SEM1: variants seen among roughly 807,000 people sequenced by gnomAD.
The protein encoded by SEM1 is SEM1 26S proteasome subunit.
Under a neutral mutation model 12.7 loss-of-function variants are expected in SEM1, and 3 were observed. That is an observed-to-expected ratio of 0.24 (90% CI 0.11 to 0.61). The LOEUF (loss-of-function observed/expected upper bound fraction) is 0.61, where lower values mean the gene tolerates loss of function less well. SEM1 is among the 20% of genes least tolerant of loss of function. The pLI is 0.88. For synonymous variants in SEM1, 30 were observed against 27.8 expected (o/e 1.08, Z -0.25); for missense variants, 59 against 81.3 (o/e 0.73, Z 1.06).
At chr7:96,590,033 G>T (rs977342991) in intron 2 of SEM1, among the ~76,000 whole-genome samples, 2 of 152,004 alleles carry the variant, frequency 1.3e-5, no homozygotes, top group Non-Finnish European at 2.9e-5. Flanking sequence ...CCCCATTCAG[G>T]CTAATATTTC....
intron 2 of SEM1, among the ~76,000 whole-genome samples, chr7:96,534,975 A>G (rs144389155): frequency 3.3e-5 from 5 of 152,116 alleles, no homozygotes; most frequent in African/African-American, 1.2e-4. Context: ...CTTTGGAGTT[A>G]TTAATAATTT....
intron 2 of SEM1, among the ~76,000 whole-genome samples, chr7:96,582,687 T>C (rs940998776): frequency 6.6e-6 from 1 of 152,290 alleles, no homozygotes; most frequent in Non-Finnish European, 1.5e-5. Context: ...AACTTCTTCC[T>C]GGTTTAGTCT....
chr7:96,603,565 C>T (rs750820260), intron 2 of SEM1, among the ~76,000 whole-genome samples: 2 of 152,126 alleles, frequency 1.3e-5, no homozygotes, highest in African/African-American at 2.4e-5. Flanking sequence ...CTCAAGTGTA[C>T]GCACATAAAA....
chr7:96,698,301 G>GTTACAT (rs1234502329), intron 1 of SEM1, among the ~76,000 whole-genome samples: 5 of 152,000 alleles, frequency 3.3e-5, no homozygotes, highest in Non-Finnish European at 7.4e-5. Context: ...GAATGTACAG[G>GTTACAT]TCCGTTACAT....
At chr7:96,695,034 T>C (rs757071848) in intron 1 of SEM1, 143 bp from the exon 2 acceptor site, 5 of 565,058 alleles carry the variant, frequency 8.8e-6, no homozygotes, top group Non-Finnish European at 1.6e-5. Context: ...CTTCCTTAAA[T>C]CTGAGCTTAT....
intron 2 of SEM1, among the ~76,000 whole-genome samples, chr7:96,572,065 C>T (rs7786345): frequency 0.96 from 145,945 of 152,256 alleles, 70,153 homozygotes; most frequent in Non-Finnish European, 0.99. Context: ...TTCTAGTTTA[C>T]TTGCATAGAG....
At chr7:96,659,913 C>CAAA (rs71529826) in intron 2 of SEM1, among the ~76,000 whole-genome samples, 7,242 of 66,170 alleles carry the variant, frequency 0.11, 314 homozygotes, top group African/African-American at 0.21. Context: ...AGTAAGATGG[C>CAAA]AAAAAAAAAA....
chr7:96,681,954 G>T (rs993698075), intron 2 of SEM1, among the ~76,000 whole-genome samples: 2 of 152,100 alleles, frequency 1.3e-5, no homozygotes, highest in African/African-American at 4.8e-5. Flanking sequence ...GAACAGCATT[G>T]AATCTGTAAA....
At chr7:96,701,259 A>G (rs1402748379) in intron 1 of SEM1, among the ~76,000 whole-genome samples, 2 of 151,558 alleles carry the variant, frequency 1.3e-5, no homozygotes, top group East Asian at 3.9e-4. Context: ...CCCCCCCAAA[A>G]ATTCTTATGT....
intron 1 of SEM1, among the ~76,000 whole-genome samples, chr7:96,702,907 T>C (rs180798565): frequency 1.3e-5 from 2 of 152,298 alleles, no homozygotes; most frequent in Admixed American, 1.3e-4. Context: ...CTACAAAATA[T>C]CTGGCCTGTA....
At chr7:96,529,439 C>T (rs1200262149) in intron 2 of SEM1, among the ~76,000 whole-genome samples, 1 of 152,084 alleles carries the variant, frequency 6.6e-6, no homozygotes, top group African/African-American at 2.4e-5. Context: ...TTACAAAGTA[C>T]TTTTGCATAT....
intron 2 of SEM1, among the ~76,000 whole-genome samples, chr7:96,509,431 C>T (rs1023268753): frequency 7.9e-5 from 12 of 152,178 alleles, no homozygotes; most frequent in African/African-American, 2.9e-4. Flanking sequence ...GACTGATTAT[C>T]AGAATTAGTT....
At chr7:96,501,000 TC>T (rs1384391700), upstream of SEM1, among the ~76,000 whole-genome samples, 1 of 150,314 alleles carries the variant, frequency 6.7e-6, no homozygotes, top group African/African-American at 2.5e-5. Flanking sequence ...TATTATGAAA[TC>T]CCAAAGAACC....
At chr7:96,534,210 T>A (rs1003088103) in intron 2 of SEM1, among the ~76,000 whole-genome samples, 1 of 152,030 alleles carries the variant, frequency 6.6e-6, no homozygotes, top group Admixed American at 6.6e-5. Flanking sequence ...GGAAAACAAC[T>A]GAGAGTATTT....
chr7:96,510,641 T>C (rs1278014337), intron 2 of SEM1, among the ~76,000 whole-genome samples: 1 of 152,112 alleles, frequency 6.6e-6, no homozygotes, highest in Non-Finnish European at 1.5e-5. Flanking sequence ...TGGATCACAG[T>C]TGGTACAATC....
At chr7:96,490,518 A>G (rs1362515658) in intron 1 of SEM1, among the ~76,000 whole-genome samples, 1 of 152,164 alleles carries the variant, frequency 6.6e-6, no homozygotes, top group African/African-American at 2.4e-5. Flanking sequence ...GCCTCCCTAG[A>G]GTTTTAAGTT....
chr7:96,548,780 C>T (rs557898654), intron 2 of SEM1, among the ~76,000 whole-genome samples: 1 of 152,106 alleles, frequency 6.6e-6, no homozygotes, highest in South Asian at 2.1e-4. Context: ...GTGCCTACCG[C>T]ATATTTAGCA....
rs1333029438 is a variant in SEM1 at position 96,486,184 on chromosome 7, G to A, written c.227+19C>T. 5 of 1,479,248 alleles carry A rather than the reference G, an allele frequency of 3.4e-6. No homozygotes were observed. The South Asian group carries it at 6.2e-5, about 18-fold the overall frequency. The allele number at this position is 1,479,248 out of a possible 1,614,324, so 91.6% of individuals were successfully genotyped here. On this transcript the variant is annotated intron_variant, in intron 2 of 3. Transcript: ENST00000356686. Reference sequence around the variant, plus strand: ...TTCTACCTTTTTTTTTTTTCCTCCTGTGGCTGTCATCTGCTTACCTGCAGA... The same window carrying A: ...TTCTACCTTTTTTTTTTTTCCTCCTATGGCTGTCATCTGCTTACCTGCAGA...
intron 1 of SEM1, among the ~76,000 whole-genome samples, chr7:96,707,118 C>T (rs1182400320): frequency 6.6e-6 from 1 of 152,172 alleles, no homozygotes; most frequent in Non-Finnish European, 1.5e-5. Context: ...AAAGCCCACA[C>T]TGATTAAGTA....
Sources: allele counts gnomAD v4.1 joint callset (sites outside exome capture counted in the v4.1 genomes callset), GRCh38; gene constraint gnomAD v4.1.1; transcripts MANE v1.5; gene names NCBI Gene and HGNC (gene_info 2026-07-23, HGNC 2026-07-21).